Variants in PLS3 observed in about 807,000 individuals in gnomAD.
The protein encoded by PLS3 is plastin 3.
PLS3 carries 11 observed loss-of-function variants against 46.5 expected under a neutral mutation model. The observed-to-expected ratio is 0.24, with a 90% CI of 0.15 to 0.39. PLS3 has a LOEUF of 0.39. PLS3 is among the 10% of genes least tolerant of loss of function. PLS3 has a pLI of 1.00. For missense variants in PLS3, 308 were observed against 461.8 expected, an observed-to-expected ratio of 0.67 and a Z score of 3.05; for synonymous variants, 167 against 162.2, an observed-to-expected ratio of 1.03 and a Z score of -0.22.
rs1316617874 is a variant in PLS3, at chrX:115,634,669, C to G, written c.583-212C>G. On this transcript the variant is annotated intron_variant, in intron 6 of 15. Coordinates refer to ENST00000355899, the MANE Select transcript of PLS3 (RefSeq NM_005032.7). Reference sequence around the variant, plus strand: ...TACAAAGTTAACTTCTCATGAGATTCTGCAAAAGGCAATAGCAATAAGGCT... The same window carrying G: ...TACAAAGTTAACTTCTCATGAGATTGTGCAAAAGGCAATAGCAATAAGGCT... 2.7e-5 allele frequency among the ~76,000 whole-genome samples: 3 copies of G among 112,318 alleles called. No homozygotes were observed. The Admixed American group carries it at 2.8e-4, about 11-fold the overall frequency.
intron 1 of PLS3, among the ~76,000 whole-genome samples, chrX:115,606,407 G>C (rs1396868959): frequency 2.7e-5 from 3 of 109,550 alleles, no homozygotes; most frequent in Non-Finnish European, 5.7e-5. Context: ...CAAAGTGCTG[G>C]GATTACAGGC....
At chrX:115,574,011 A>G (rs1233030372) in intron 1 of PLS3, among the ~76,000 whole-genome samples, 1 of 111,181 alleles carries the variant, frequency 9.0e-6, no homozygotes, top group Admixed American at 9.6e-5. Flanking sequence ...TCCCATTGTC[A>G]CAGAATTCAA....
chrX:115,624,754 A>C (rs1463360407), intron 3 of PLS3, among the ~76,000 whole-genome samples: 2 of 112,112 alleles, frequency 1.8e-5, no homozygotes, highest in Non-Finnish European at 3.8e-5. Context: ...CATGCACAAT[A>C]ATTTTGGCAA....
At chrX:115,645,479 G>A (rs1480123613) in intron 11 of PLS3, among the ~76,000 whole-genome samples, 1 of 107,308 alleles carries the variant, frequency 9.3e-6, no homozygotes. Flanking sequence ...CTCTAAGAGG[G>A]AAAAAAAAAG....
At chrX:115,588,854 C>T (rs2074327023) in intron 1 of PLS3, among the ~76,000 whole-genome samples, 1 of 111,740 alleles carries the variant, frequency 8.9e-6, no homozygotes, top group Admixed American at 9.6e-5. Flanking sequence ...ACATGTATGT[C>T]TTTTAAATTC....
At chrX:115,647,173 G>T (rs139648617) in intron 13 of PLS3, among the ~76,000 whole-genome samples, 1 of 111,505 alleles carries the variant, frequency 9.0e-6, no homozygotes, top group African/African-American at 3.3e-5. Context: ...GGTGGCTCAC[G>T]CCTGTAATAC....
intron 1 of PLS3, among the ~76,000 whole-genome samples, chrX:115,585,636 C>T (rs782596889): frequency 4.5e-5 from 5 of 110,757 alleles, no homozygotes; most frequent in Non-Finnish European, 9.4e-5. Flanking sequence ...GTGATTTGCC[C>T]TCCTCAGCCT....
In PLS3 at chrX:115,635,145, G is replaced by C. The variant is rs2074817784; in HGVS notation, c.748+99G>C. 1.1e-5 allele frequency: 8 copies of C among 697,918 alleles called. No individual in the cohort carries two copies. The South Asian group carries it at 2.2e-4, about 19-fold the overall frequency. The allele number at this position is 697,918 out of a possible 1,213,427, so 57.5% of individuals were successfully genotyped here. A position where few individuals can be genotyped will look rare whatever the true frequency, so the allele number is the denominator to read the frequency against. ...ACTTAATGGAGGTGATTAAATGGTGGTAACTAGAATGAACATAAGGTAATG... is the reference window on the plus strand; with the variant it reads ...ACTTAATGGAGGTGATTAAATGGTGCTAACTAGAATGAACATAAGGTAATG... On this transcript the variant is annotated intron_variant, in intron 7 of 15. Coordinates refer to ENST00000355899, the MANE Select transcript of PLS3 (RefSeq NM_005032.7).
chrX:115,570,673 T>A (rs1223042790), intron 1 of PLS3, among the ~76,000 whole-genome samples: 1 of 107,582 alleles, frequency 9.3e-6, no homozygotes, highest in Non-Finnish European at 1.9e-5. Flanking sequence ...CCTGGCTAAC[T>A]TTTTTTTGTA....
rs1354666692 is a variant in PLS3, at chrX:115,643,316, A to G, written c.991A>G (p.Thr331Ala). 8.5e-7 allele frequency: 1 copy of G among 1,183,373 alleles called. No individual in the cohort carries two copies. The highest frequency in any genetic ancestry group is 3.0e-5 in the East Asian group (1 of 33,654). Residue 331 changes from threonine (T) to alanine (A), a missense_variant, in exon 10 of 16, where the codon ACA (threonine) becomes GCA (alanine). Coordinates refer to ENST00000355899, the MANE Select transcript of PLS3 (RefSeq NM_005032.7). The stretch of plus-strand genomic sequence containing the variant: ...TCTTCCGATTTTGTTTCAACAGGAA[A>G]CAGATGATTTGAAGAGAGCTGAGAG... ...IDINMSGFNE[T>A]DDLKRAESML...
chrX:115,611,821 G>A (rs2074551426), intron 2 of PLS3, among the ~76,000 whole-genome samples: 2 of 111,918 alleles, frequency 1.8e-5, no homozygotes, highest in South Asian at 7.4e-4. Flanking sequence ...ACATAAAGAG[G>A]ATTGACCAAT....
chrX:115,648,073 T>C, intron 15 of PLS3, 56 bp downstream of exon 15: 2 of 937,666 alleles, frequency 2.1e-6, no homozygotes, highest in Non-Finnish European at 3.0e-6. Context: ...TGGACAGATC[T>C]GAATTCTAAT....
intron 1 of PLS3, among the ~76,000 whole-genome samples, chrX:115,576,594 A>G (rs2074250495): frequency 9.0e-6 from 1 of 111,436 alleles, no homozygotes; most frequent in Admixed American, 9.6e-5. Context: ...TCTTTTAAGC[A>G]CCCTTGACCC....
intron 4 of PLS3, 117 bp downstream of exon 4, chrX:115,629,444 T>A (rs2074742724): frequency 1.6e-6 from 1 of 616,939 alleles, no homozygotes; most frequent in African/African-American, 2.3e-5. Flanking sequence ...GTAGAAGTCC[T>A]TTGTGACATG....
intron 2 of PLS3, 40 bp from the exon 3 acceptor site, chrX:115,622,206 A>AT (rs782610784): frequency 2.7e-5 from 30 of 1,125,176 alleles, no homozygotes; most frequent in East Asian, 6.1e-5. Context: ...CTGTCTTTCA[A>AT]TTTTTTTTCC....
chrX:115,582,235 G>T (rs2074283323), intron 1 of PLS3, among the ~76,000 whole-genome samples: 1 of 112,125 alleles, frequency 8.9e-6, no homozygotes, highest in Admixed American at 9.5e-5. Flanking sequence ...GTAATAAGCT[G>T]GGAGAGGGAA....
intron 1 of PLS3, among the ~76,000 whole-genome samples, chrX:115,566,634 C>G (rs2074175568): frequency 9.1e-6 from 1 of 109,896 alleles, no homozygotes; most frequent in East Asian, 2.9e-4. Context: ...GCCTCGGCCT[C>G]CCAAAGTGCT....
chrX:115,615,587 A>G lies in PLS3; in HGVS notation c.73+5264A>G, dbSNP rs191833584. Among the ~76,000 whole-genome samples, 118 of 109,014 alleles carry G rather than the reference A, an allele frequency of 1.1e-3. 1 individual carries two copies. Among genetic ancestry groups the G allele is most frequent in the Non-Finnish European group, 2.9e-4 (15 of 52,359 alleles). 94.7% of individuals were successfully genotyped at this position (109,014 alleles called of 115,157 possible). ...TTCTTATGAATTCAGTCAGTGGCCA[A>G]TATGAAAAATGGGCCTGTCTGGTGC... is the stretch of plus-strand genomic sequence containing the variant. On this transcript the variant is annotated intron_variant, in intron 2 of 15. Coordinates refer to ENST00000355899, the MANE Select transcript of PLS3 (RefSeq NM_005032.7).
At chrX:115,621,174 C>T (rs977366396) in intron 2 of PLS3, among the ~76,000 whole-genome samples, 50 of 109,369 alleles carry the variant, frequency 4.6e-4, no homozygotes, top group Admixed American at 8.8e-4. Flanking sequence ...CCACCACGCC[C>T]AGCTAATTTT....
Sources: gnomAD v4.1 joint callset for allele counts (sites outside exome capture counted in the v4.1 genomes callset) on GRCh38, gnomAD v4.1.1 for gene constraint, MANE v1.5 for transcripts, NCBI Gene and HGNC (gene_info 2026-07-23, HGNC 2026-07-21) for gene names.